Variants in SHOC2 observed in about 807,000 individuals in gnomAD.
SHOC2 encodes the protein SHOC2 leucine rich repeat scaffold protein, also known as leucine-rich repeat protein SHOC-2.
Under a neutral mutation model 50.2 loss-of-function variants are expected in SHOC2, and 4 were observed. That is an observed-to-expected ratio of 0.08 (90% CI 0.04 to 0.18). SHOC2 has a LOEUF of 0.18. Among genes scored for constraint, SHOC2 ranks in the 10% least tolerant of loss-of-function variants. The probability of loss-of-function intolerance (pLI) is 1.00; values close to 1 mark genes in which losing one functional copy is unlikely to be tolerated. For synonymous variants in SHOC2, 218 were observed against 244.5 expected, an observed-to-expected ratio of 0.89 and a Z score of 1.01; for missense variants, 388 against 669.6, an observed-to-expected ratio of 0.58 and a Z score of 4.64.
intron 2 of SHOC2, among the ~76,000 whole-genome samples, chr10:110,984,418 T>C (rs1487638602): frequency 1.3e-5 from 2 of 152,220 alleles, no homozygotes; most frequent in Admixed American, 6.5e-5. Flanking sequence ...TTATGAGATA[T>C]ATGATTTGCA....
At chr10:110,989,910 A>T (rs1269098508) in intron 3 of SHOC2, among the ~76,000 whole-genome samples, 2 of 152,182 alleles carry the variant, frequency 1.3e-5, no homozygotes, top group Non-Finnish European at 2.9e-5. Flanking sequence ...AATATGTCAC[A>T]CAGTGACATA....
intron 1 of SHOC2, among the ~76,000 whole-genome samples, chr10:110,959,007 A>C (rs1265357606): frequency 6.6e-6 from 1 of 152,238 alleles, no homozygotes; most frequent in East Asian, 1.9e-4. Flanking sequence ...AAATCTATGT[A>C]ATTTCTTAAA....
At chr10:110,990,552 T>G (rs1003685183) in intron 3 of SHOC2, among the ~76,000 whole-genome samples, 5 of 151,946 alleles carry the variant, frequency 3.3e-5, no homozygotes, top group African/African-American at 1.2e-4. Context: ...TGTATCTAGC[T>G]CAGGGATTGT....
chr10:110,922,123 A>AC (rs1483747005), intron 1 of SHOC2, among the ~76,000 whole-genome samples: 1 of 152,188 alleles, frequency 6.6e-6, no homozygotes, highest in Non-Finnish European at 1.5e-5. Flanking sequence ...CATGAAAATT[A>AC]CAAATTCCTT....
rs565149458 is a variant in SHOC2, at chr10:110,942,384, G to C, written c.-234-21741G>C. Among the ~76,000 whole-genome samples the C allele has an allele frequency of 1.4e-4, 22 of 152,142 alleles. 1 individual carries two copies. The South Asian group carries it at 4.4e-3, about 30-fold the overall frequency. On this transcript the variant is annotated intron_variant, in intron 1 of 8. Transcript: ENST00000369452. ...TGTTTTTGAGACAGGGTCTTGCTCT[G>C]TTGCCTAGACTGGAGTGTAGTGGCT...
At position 110,975,006 on chromosome 10, in the gene SHOC2, T is replaced by G. The variant is rs893969326; in HGVS notation, c.703+9945T>G. 3.3e-5 allele frequency among the ~76,000 whole-genome samples: 5 copies of G among 152,178 alleles called. No individual in the cohort carries two copies. In the South Asian group the frequency reaches 6.2e-4, roughly 19 times the overall value. ...TTCCATATACCCTTCACTCAGCTTC[T>G]TGATATTAATTAACATCCTATATAA... On this transcript the variant is annotated intron_variant, in intron 2 of 8. Transcript: ENST00000369452.
intron 5 of SHOC2, among the ~76,000 whole-genome samples, chr10:111,006,464 G>A (rs1375261468): frequency 6.6e-6 from 1 of 151,722 alleles, no homozygotes; most frequent in East Asian, 1.9e-4. Flanking sequence ...TCCGCCTCCC[G>A]GGTTCACGCC....
At chr10:110,952,681 A>G (rs943064214) in intron 1 of SHOC2, among the ~76,000 whole-genome samples, 5 of 152,020 alleles carry the variant, frequency 3.3e-5, no homozygotes, top group Admixed American at 6.6e-5. Context: ...CCCTGGCTGC[A>G]TTAGGTGTTT....
At chr10:110,939,135 A>G (rs1847087890) in intron 1 of SHOC2, among the ~76,000 whole-genome samples, 1 of 152,208 alleles carries the variant, frequency 6.6e-6, no homozygotes, top group Non-Finnish European at 1.5e-5. Flanking sequence ...CTAGAAATGT[A>G]GCTTTTGCCT....
chr10:110,943,959 ATCG>A (rs1847200137), intron 1 of SHOC2, among the ~76,000 whole-genome samples: 1 of 152,104 alleles, frequency 6.6e-6, no homozygotes, highest in Non-Finnish European at 1.5e-5. Context: ...ATCATTTCAG[ATCG>A]TCTTTTGCCC....
At chr10:110,919,780 G>T in intron 1 of SHOC2, 123 bp downstream of exon 1, 1 of 394,018 alleles carries the variant, frequency 2.5e-6, no homozygotes, top group Non-Finnish European at 4.5e-6. Context: ...TGACAGGCGC[G>T]AGCCGGCAGC....
chr10:110,948,136 A>G (rs992506674), intron 1 of SHOC2, among the ~76,000 whole-genome samples: 1 of 152,256 alleles, frequency 6.6e-6, no homozygotes, highest in South Asian at 2.1e-4. Flanking sequence ...CAAAGTCATT[A>G]TACAATGATA....
intron 1 of SHOC2, among the ~76,000 whole-genome samples, chr10:110,922,769 C>T (rs1013268368): frequency 4.0e-5 from 6 of 151,870 alleles, no homozygotes; most frequent in Non-Finnish European, 8.8e-5. Context: ...TTTTGCTACT[C>T]GTTTATAAAA....
rs866827603 is a variant in SHOC2, at chr10:110,954,094, G to A, written c.-234-10031G>A. Among the ~76,000 whole-genome samples the A allele has an allele frequency of 4.0e-5, 6 of 151,470 alleles. No homozygotes were observed. In the South Asian group the frequency reaches 6.2e-4, roughly 16 times the overall value. ...TTTGCCTCTTTTTAAGGAAAAATAAGTCCATTGTTTTTGTGTATAATTTAT... is the reference window on the plus strand; with the variant it reads ...TTTGCCTCTTTTTAAGGAAAAATAAATCCATTGTTTTTGTGTATAATTTAT... On this transcript the variant is annotated intron_variant, in intron 1 of 8. Coordinates refer to ENST00000369452, the MANE Select transcript of SHOC2 (RefSeq NM_007373.4).
intron 1 of SHOC2, among the ~76,000 whole-genome samples, chr10:110,963,543 C>G (rs1404154368): frequency 6.6e-6 from 1 of 152,094 alleles, no homozygotes; most frequent in Non-Finnish European, 1.5e-5. Flanking sequence ...TCTATCGTCA[C>G]CACCACTGAA....
intron 1 of SHOC2, among the ~76,000 whole-genome samples, chr10:110,944,564 C>T (rs1226213342): frequency 6.6e-6 from 1 of 152,074 alleles, no homozygotes; most frequent in Non-Finnish European, 1.5e-5. Context: ...AATAAATGAT[C>T]TTTGAAATAA....
At chr10:110,937,910 A>G (rs1847060875) in intron 1 of SHOC2, among the ~76,000 whole-genome samples, 1 of 152,222 alleles carries the variant, frequency 6.6e-6, no homozygotes, top group Non-Finnish European at 1.5e-5. Flanking sequence ...ACTAATAACT[A>G]AAGTTAGGGT....
At chr10:110,952,853 G>A (rs990329549) in intron 1 of SHOC2, among the ~76,000 whole-genome samples, 2 of 152,090 alleles carry the variant, frequency 1.3e-5, no homozygotes, top group African/African-American at 2.4e-5. Flanking sequence ...GAAGATGATG[G>A]CTTCCAGCTT....
At chr10:110,934,073 G>A (rs927583843) in intron 1 of SHOC2, among the ~76,000 whole-genome samples, 1 of 152,220 alleles carries the variant, frequency 6.6e-6, no homozygotes, top group Non-Finnish European at 1.5e-5. Context: ...GCATACGTCA[G>A]ATTGATGAAA....
Sources: gnomAD v4.1 joint callset for allele counts (sites outside exome capture counted in the v4.1 genomes callset) on GRCh38, gnomAD v4.1.1 for gene constraint, MANE v1.5 for transcripts, NCBI Gene and HGNC (gene_info 2026-07-23, HGNC 2026-07-21) for gene names.